Variants in GPATCH11 observed in about 807,000 individuals in gnomAD.
The protein encoded by GPATCH11 is G-patch domain containing 11, also known as G patch domain-containing protein 11.
Under a neutral mutation model 44.8 loss-of-function variants are expected in GPATCH11, and 32 were observed. The ratio of observed to expected loss-of-function variants is 0.71; its 90% CI spans 0.54 to 0.96. The LOEUF (loss-of-function observed/expected upper bound fraction) is 0.96, where lower values mean the gene tolerates loss of function less well. Ranked by LOEUF, GPATCH11 falls within the 40% of genes least tolerant of loss-of-function variation. The pLI is 0.00. For missense variants in GPATCH11, 324 were observed against 303.1 expected, an observed-to-expected ratio of 1.07 and a Z score of -0.51; for synonymous variants, 84 against 94.4, an observed-to-expected ratio of 0.89 and a Z score of 0.64.
intron 7 of GPATCH11, 81 bp downstream of exon 7, chr2:37,094,276 T>G: frequency 1.2e-6 from 1 of 843,066 alleles, no homozygotes; most frequent in Non-Finnish European, 2.0e-6. Context: ...TCCGTTGTTG[T>G]GGAGAGCTGT....
intron 1 of GPATCH11, among the ~76,000 whole-genome samples, chr2:37,087,567 A>G (rs1323367113): frequency 2.0e-5 from 3 of 152,242 alleles, no homozygotes; most frequent in Non-Finnish European, 2.9e-5. Context: ...GATTTTAACT[A>G]TTTTGGATAG....
Position 37,092,158 on chromosome 2 carries a change from C to A in GPATCH11, c.450-7C>A. On this transcript the variant is annotated splice_region_variant and splice_polypyrimidine_tract_variant and intron_variant, in intron 5 of 8. Coordinates refer to ENST00000674370, the MANE Select transcript of GPATCH11 (RefSeq NM_174931.4). ...ACCTTTAGTTTACAATTTTTTCTTT[C>A]AATTAGAATGCGACTTAAAAATAAG... is the stretch of plus-strand genomic sequence containing the variant. The A allele has an allele frequency of 1.9e-6, 3 of 1,545,234 alleles. No individual in the cohort carries two copies. The highest frequency in any genetic ancestry group is 2.5e-5 in the South Asian group (2 of 78,886).
intron 2 of GPATCH11, 65 bp from the exon 3 acceptor site, chr2:37,089,575 A>T (rs966420488): frequency 2.7e-4 from 62 of 229,482 alleles, no homozygotes; most frequent in Non-Finnish European, 4.4e-4. Context: ...CTCAAAAAAT[A>T]AAAAAAAAAA....
In GPATCH11 at chr2:37,092,257, TA is replaced by T; in HGVS notation, c.540+4del. ...TGTCAACAACTGGATGTCCAGAAAG[TA>T]AGCCTTTTACCAGCTTTCAGTTTAG... is the stretch of plus-strand genomic sequence containing the variant. On this transcript the variant is annotated splice_donor_region_variant and intron_variant, in intron 6 of 8. Coordinates refer to ENST00000674370, the MANE Select transcript of GPATCH11 (RefSeq NM_174931.4). The T allele has an allele frequency of 6.9e-7, 1 of 1,446,860 alleles. No individual in the cohort carries two copies. The highest frequency in any genetic ancestry group is 1.7e-5 in the South Asian group (1 of 59,062). 89.6% of individuals were successfully genotyped at this position (1,446,860 alleles called of 1,614,324 possible).
chr2:37,085,985 T>C (rs1445242114), intron 1 of GPATCH11, among the ~76,000 whole-genome samples: 3 of 152,228 alleles, frequency 2.0e-5, no homozygotes, highest in Admixed American at 2.0e-4. Flanking sequence ...ACCTTCTCCA[T>C]AGAGCTTCTT....
chr2:37,089,990 C>A, intron 3 of GPATCH11, 124 bp downstream of exon 3: 1 of 718,214 alleles, frequency 1.4e-6, no homozygotes, highest in Admixed American at 2.8e-5. Flanking sequence ...GCTTTTTAGT[C>A]TATTATGTAT....
rs142169254 is a variant in GPATCH11 at position 37,092,011 on chromosome 2, G to A, written c.424G>A (p.Glu142Lys). 2.8e-4 allele frequency: 446 copies of A among 1,613,146 alleles called. No individual in the cohort carries two copies. The highest frequency in any genetic ancestry group is 3.6e-4 in the Non-Finnish European group (430 of 1,179,390). ...RKKIHMKNQA[E>K]EKAAEQFRMR... is the part of the protein sequence containing the mutation. The stretch of plus-strand genomic sequence containing the variant: ...AAAGATTCACATGAAAAACCAAGCT[G>A]AAGAAAAAGCTGCAGAACAGTTTCG... The change falls in exon 5 of 9, where the codon GAA becomes AAA. Residue 142 changes from glutamate to lysine, a missense_variant. By Grantham distance (56) the Glu-to-Lys change is moderately conservative. Transcript: ENST00000674370.
chr2:37,097,453 C>T lies in GPATCH11; in HGVS notation c.*1190C>T, dbSNP rs528644245. ...CTCCTAGTGATTGATTTTGATTTGT[C>T]TTGGCTAAGGTGGTTCCTGGATATC... On this transcript the variant is annotated 3_prime_UTR_variant, in exon 9 of 9. Transcript: ENST00000674370. 6.6e-6 allele frequency: 1 copy of T among 152,280 alleles called. No individual in the cohort carries two copies. Among genetic ancestry groups the T allele is most frequent in the South Asian group, 2.1e-4 (1 of 4,822 alleles). The allele number at this position is 152,280 out of a possible 1,614,324, so 9.4% of individuals were successfully genotyped here.
rs1173855746 is a variant in GPATCH11, at chr2:37,093,711, C to T, written c.541-371C>T. ...CTCACTCTGTCACCAGGCTAGAGTACAGTGGCGTGATTTTGGCTCACTGCA... is the reference window on the plus strand; with the variant it reads ...CTCACTCTGTCACCAGGCTAGAGTATAGTGGCGTGATTTTGGCTCACTGCA... On this transcript the variant is annotated intron_variant, in intron 6 of 8. Coordinates refer to ENST00000674370, the MANE Select transcript of GPATCH11 (RefSeq NM_174931.4). 3.3e-5 allele frequency among the ~76,000 whole-genome samples: 5 copies of T among 152,078 alleles called. No individual in the cohort carries two copies. The East Asian group carries it at 5.8e-4, about 18-fold the overall frequency.
rs1393736519 is a variant in GPATCH11 at position 37,088,441 on chromosome 2, G to A, written c.59+1G>A. 1 of 1,498,296 alleles carries A rather than the reference G, an allele frequency of 6.7e-7. No homozygotes were observed. Among genetic ancestry groups the A allele is most frequent in the African/African-American group, 1.4e-5 (1 of 72,686 alleles). 92.8% of individuals were successfully genotyped at this position (1,498,296 alleles called of 1,614,324 possible). A position where few individuals can be genotyped will look rare whatever the true frequency, so the allele number is the denominator to read the frequency against. Reference sequence around the variant, plus strand: ...TGTCTGATTCCTTCATTAATGTCCAGTAAGTAAATGTGCACACCCAGTGCA... The same window carrying A: ...TGTCTGATTCCTTCATTAATGTCCAATAAGTAAATGTGCACACCCAGTGCA... On this transcript the variant is annotated splice_donor_variant, in intron 2 of 8. Transcript: ENST00000674370. LOFTEE classifies it high-confidence loss of function.
At chr2:37,095,596 A>G (rs1673538318) in intron 8 of GPATCH11, 78 bp downstream of exon 8, 3 of 1,399,700 alleles carry the variant, frequency 2.1e-6, no homozygotes, top group Non-Finnish European at 2.8e-6. Flanking sequence ...CCCACTGACA[A>G]TGGAAATTTC....
intron 3 of GPATCH11, among the ~76,000 whole-genome samples, 170 bp from the exon 4 acceptor site, chr2:37,090,511 C>A (rs1673263256): frequency 6.6e-6 from 1 of 151,936 alleles, no homozygotes; most frequent in South Asian, 2.1e-4. Context: ...TATTTGAAGA[C>A]AAGGTAGATA....
chr2:37,084,617 T>TA, intron 1 of GPATCH11, 47 bp downstream of exon 1: 2 of 1,221,854 alleles, frequency 1.6e-6, no homozygotes, highest in South Asian at 4.2e-5. Flanking sequence ...GGTAGAATGA[T>TA]AAAAGGCAGA....
In GPATCH11 at chr2:37,097,006, C is replaced by G. The variant is rs972631664; in HGVS notation, c.*743C>G. ...AATGTTCGACCAGTACTACTAAATT[C>G]TAATCCATTTAACTGTGATAATTTC... On this transcript the variant is annotated 3_prime_UTR_variant, in exon 9 of 9. Transcript: ENST00000674370. 6.6e-6 allele frequency: 1 copy of G among 152,142 alleles called. No individual in the cohort carries two copies. The highest frequency in any genetic ancestry group is 1.5e-5 in the Non-Finnish European group (1 of 68,032). The allele number at this position is 152,142 out of a possible 1,614,324, so 9.4% of individuals were successfully genotyped here.
chr2:37,091,107 C>T (rs1673298307), intron 4 of GPATCH11, among the ~76,000 whole-genome samples: 1 of 152,002 alleles, frequency 6.6e-6, no homozygotes, highest in South Asian at 2.1e-4. Context: ...GGCAGATCAC[C>T]TGAGGTTGGG....
chr2:37,084,759 A>G (rs1672894979), intron 1 of GPATCH11, among the ~76,000 whole-genome samples, 189 bp downstream of exon 1: 1 of 152,180 alleles, frequency 6.6e-6, no homozygotes, highest in African/African-American at 2.4e-5. Flanking sequence ...CGTAGTATTG[A>G]GAGTGGGACG....
Position 37,084,549 on chromosome 2 carries a change from G to A in GPATCH11, c.-35G>A. ...AGCGCGCGCTCTACGGCGCTGAACC[G>A]GGGCGAGCAGAGAGCTGTCAGGTAA... On this transcript the variant is annotated 5_prime_UTR_variant, in exon 1 of 9. Coordinates refer to ENST00000674370, the MANE Select transcript of GPATCH11 (RefSeq NM_174931.4). The A allele has an allele frequency of 4.9e-6, 6 of 1,231,412 alleles. No homozygotes were observed. The highest frequency in any genetic ancestry group is 8.2e-5 in the South Asian group (2 of 24,304). 76.3% of individuals were successfully genotyped at this position (1,231,412 alleles called of 1,614,324 possible).
chr2:37,096,132 C>T, intron 8 of GPATCH11, 76 bp from the exon 9 acceptor site: 1 of 874,520 alleles, frequency 1.1e-6, no homozygotes, highest in African/African-American at 1.7e-5. Context: ...TCAAAAAATG[C>T]ATGTTATGTT....
chr2:37,097,399 T>G lies in GPATCH11; in HGVS notation c.*1136T>G, dbSNP rs112430338. The G allele has an allele frequency of 6.6e-6, 1 of 152,194 alleles. No homozygotes were observed. The highest frequency in any genetic ancestry group is 1.5e-5 in the Non-Finnish European group (1 of 68,036). The allele number at this position is 152,194 out of a possible 1,614,324, so 9.4% of individuals were successfully genotyped here. ...GGGTGAGGCATCAAAATCATGAACC[T>G]TTTTAAAAGTTCATATGCTCAGGTG... On this transcript the variant is annotated 3_prime_UTR_variant, in exon 9 of 9. Coordinates refer to ENST00000674370, the MANE Select transcript of GPATCH11 (RefSeq NM_174931.4).
Sources: allele counts gnomAD v4.1 joint callset (sites outside exome capture counted in the v4.1 genomes callset), GRCh38; gene constraint gnomAD v4.1.1; transcripts MANE v1.5; gene names NCBI Gene and HGNC (gene_info 2026-07-23, HGNC 2026-07-21).